MAPK10: variants seen among roughly 807,000 people sequenced by gnomAD.
MAPK10 encodes mitogen-activated protein kinase 10.
Under a neutral mutation model 59.3 loss-of-function variants are expected in MAPK10, and 25 were observed. That is an observed-to-expected ratio of 0.42 (90% CI 0.31 to 0.59). The LOEUF is 0.59. MAPK10 is among the 20% of genes least tolerant of loss of function. The probability of loss-of-function intolerance (pLI) is 0.15; values close to 1 mark genes in which losing one functional copy is unlikely to be tolerated. For synonymous variants in MAPK10, 190 were observed against 200.5 expected (o/e 0.95, Z 0.44); for missense variants, 351 against 568.9 (o/e 0.62, Z 3.90).
intron 3 of MAPK10, among the ~76,000 whole-genome samples, chr4:86,189,548 T>C (rs2079140397): frequency 6.6e-6 from 1 of 152,154 alleles, no homozygotes; most frequent in East Asian, 1.9e-4. Context: ...GGCTCTCTGT[T>C]TGTCTATTAT....
At chr4:86,341,062 G>A (rs1724606353) in intron 2 of MAPK10, among the ~76,000 whole-genome samples, 1 of 152,116 alleles carries the variant, frequency 6.6e-6, no homozygotes, top group Non-Finnish European at 1.5e-5. Context: ...AGAGATGGTG[G>A]CTGAGTATTC....
At chr4:86,540,078 A>T (rs890263200) in intron 1 of MAPK10, among the ~76,000 whole-genome samples, 2 of 152,230 alleles carry the variant, frequency 1.3e-5, no homozygotes, top group African/African-American at 4.8e-5. Flanking sequence ...CAATTAGATT[A>T]ATACTGAATC....
chr4:86,238,563 T>C (rs1437478008), intron 2 of MAPK10, among the ~76,000 whole-genome samples: 1 of 152,188 alleles, frequency 6.6e-6, no homozygotes, highest in African/African-American at 2.4e-5. Flanking sequence ...ATCCTTCACA[T>C]CCCTTGTTAG....
chr4:86,117,053 A>T (rs1188365815), intron 4 of MAPK10, among the ~76,000 whole-genome samples: 1 of 152,240 alleles, frequency 6.6e-6, no homozygotes, highest in Non-Finnish European at 1.5e-5. Flanking sequence ...ACATTTTTCA[A>T]GTATATCCCA....
chr4:86,165,122 C>A (rs750469917), intron 3 of MAPK10, among the ~76,000 whole-genome samples: 1 of 152,160 alleles, frequency 6.6e-6, no homozygotes, highest in African/African-American at 2.4e-5. Flanking sequence ...GCCAGTCAAT[C>A]TGCTGGATAT....
chr4:86,403,682 G>C (rs574037966), intron 1 of MAPK10, among the ~76,000 whole-genome samples: 1 of 152,144 alleles, frequency 6.6e-6, no homozygotes, highest in Non-Finnish European at 1.5e-5. Flanking sequence ...ACAGGCGGCA[G>C]GAGAGAGAAG....
chr4:86,470,301 T>C (rs1752556050), intron 1 of MAPK10, among the ~76,000 whole-genome samples: 1 of 152,342 alleles, frequency 6.6e-6, no homozygotes, highest in African/African-American at 2.4e-5. Flanking sequence ...ATGAAGTTGA[T>C]GTCATTTGGA....
intron 4 of MAPK10, among the ~76,000 whole-genome samples, chr4:86,134,613 A>G (rs530379400): frequency 3.3e-5 from 5 of 152,376 alleles, no homozygotes; most frequent in African/African-American, 7.2e-5. Context: ...ATGAAAAAAT[A>G]TTACTTTTAG....
At chr4:86,453,833 C>A (rs1750998254), upstream of MAPK10, among the ~76,000 whole-genome samples, 1 of 152,090 alleles carries the variant, frequency 6.6e-6, no homozygotes. Context: ...ATTAATCAAT[C>A]AAAGCTAAGG....
At chr4:86,435,949 C>T (rs1218923826) in intron 1 of MAPK10, among the ~76,000 whole-genome samples, 1 of 152,136 alleles carries the variant, frequency 6.6e-6, no homozygotes, top group South Asian at 2.1e-4. Flanking sequence ...CAATATCTAA[C>T]CACAAACTTA....
chr4:86,351,770 C>A (rs1731641529), intron 2 of MAPK10, among the ~76,000 whole-genome samples: 1 of 151,944 alleles, frequency 6.6e-6, no homozygotes, highest in South Asian at 2.1e-4. Flanking sequence ...GGTTTCCTTA[C>A]CTCTAAATTA....
chr4:86,243,191 T>C (rs1222574759), intron 2 of MAPK10, among the ~76,000 whole-genome samples: 4 of 152,166 alleles, frequency 2.6e-5, no homozygotes, highest in Non-Finnish European at 5.9e-5. Context: ...TGTTTTTTTT[T>C]CCATGGGAGC....
intron 1 of MAPK10, among the ~76,000 whole-genome samples, chr4:86,495,874 C>A (rs577334336): frequency 1.3e-5 from 2 of 152,228 alleles, no homozygotes; most frequent in South Asian, 4.2e-4. Context: ...CTAGAGTCAT[C>A]ATCGGATCCA....
intron 1 of MAPK10, among the ~76,000 whole-genome samples, chr4:86,432,262 C>T (rs144768940): frequency 2.6e-4 from 39 of 151,976 alleles, no homozygotes; most frequent in Middle Eastern, 6.8e-3. Context: ...TTGTTTTTTG[C>T]TTGTTTGTTT....
chr4:86,117,165 C>T (rs1290573487), intron 4 of MAPK10, among the ~76,000 whole-genome samples: 1 of 152,198 alleles, frequency 6.6e-6, no homozygotes, highest in Non-Finnish European at 1.5e-5. Flanking sequence ...TCCCAGCTAC[C>T]CAGAAAGCTG....
chr4:86,381,729 G>A (rs1476994592), intron 1 of MAPK10, among the ~76,000 whole-genome samples: 1 of 152,190 alleles, frequency 6.6e-6, no homozygotes, highest in Admixed American at 6.5e-5. Flanking sequence ...ACAAGAAACA[G>A]ATGGCATAGT....
At chr4:86,396,175 G>A (rs1246714994) in intron 1 of MAPK10, among the ~76,000 whole-genome samples, 2 of 152,072 alleles carry the variant, frequency 1.3e-5, no homozygotes, top group African/African-American at 4.8e-5. Context: ...GTGAAAGCCC[G>A]TCTCTACTAA....
chr4:86,190,094 A>T (rs1261623797), intron 3 of MAPK10, among the ~76,000 whole-genome samples: 1 of 152,154 alleles, frequency 6.6e-6, no homozygotes, highest in African/African-American at 2.4e-5. Flanking sequence ...CCAGGGATGA[A>T]GCCAACTTGG....
At chr4:86,541,873 T>C (rs968710272) in intron 1 of MAPK10, among the ~76,000 whole-genome samples, 1 of 151,908 alleles carries the variant, frequency 6.6e-6, no homozygotes, top group South Asian at 2.1e-4. Context: ...GTTTCTGTTA[T>C]TTGCACTAAA....
Sources: gnomAD v4.1 joint callset for allele counts (sites outside exome capture counted in the v4.1 genomes callset) on GRCh38, gnomAD v4.1.1 for gene constraint, MANE v1.5 for transcripts, NCBI Gene and HGNC (gene_info 2026-07-23, HGNC 2026-07-21) for gene names.